The following KCNQ2 variants were observed in gnomAD, a reference collection of about 807,000 sequenced individuals.
KCNQ2 encodes potassium voltage-gated channel subfamily KQT member 2.
KCNQ2 carries 14 observed loss-of-function variants against 84.8 expected under a neutral mutation model. The observed-to-expected ratio is 0.17, with a 90% CI of 0.11 to 0.26. The LOEUF (loss-of-function observed/expected upper bound fraction) is 0.26, where lower values mean the gene tolerates loss of function less well. KCNQ2 is among the 10% of genes least tolerant of loss of function. KCNQ2 has a pLI of 1.00. For synonymous variants in KCNQ2, 599 were observed against 554.1 expected (o/e 1.08, Z -1.14); for missense variants, 788 against 1,254.0 (o/e 0.63, Z 5.61).
At chr20:63,421,851 G>A (rs1341896998) in intron 11 of KCNQ2, among the ~76,000 whole-genome samples, 3 of 152,024 alleles carry the variant, frequency 2.0e-5, no homozygotes, top group Admixed American at 6.5e-5. Flanking sequence ...AGCACGGCCC[G>A]AGCCCCGCAG....
At chr20:63,451,732 A>G (rs955942317) in intron 1 of KCNQ2, among the ~76,000 whole-genome samples, 1 of 151,472 alleles carries the variant, frequency 6.6e-6, no homozygotes, top group Non-Finnish European at 1.5e-5. Flanking sequence ...CCCACTGAAC[A>G]CCCTCTGGAT....
chr20:63,443,117 CTAT>C (rs1341158629), intron 4 of KCNQ2, among the ~76,000 whole-genome samples: 10 of 68,154 alleles, frequency 1.5e-4, no homozygotes, highest in East Asian at 5.4e-4. Context: ...ACCACCACCA[CTAT>C]CACCACCACC....
intron 9 of KCNQ2, 29 bp downstream of exon 9, chr20:63,431,311 C>T: frequency 6.2e-7 from 1 of 1,613,308 alleles, no homozygotes; most frequent in Non-Finnish European, 8.5e-7. Flanking sequence ...CACACACACA[C>T]ACAGGGCTTC....
Position 63,451,150 on chromosome 20 carries a change from A to C in KCNQ2, c.297-4313T>G, listed in dbSNP as rs555076187. Among the ~76,000 whole-genome samples, 121 of 151,724 alleles carry C rather than the reference A, an allele frequency of 8.0e-4. 2 individuals are homozygous for C. Among genetic ancestry groups the C allele is most frequent in the South Asian group, 4.2e-3 (20 of 4,802 alleles). On this transcript the variant is annotated intron_variant, in intron 1 of 16. Transcript: ENST00000359125. Reference sequence around the variant, plus strand: ...AAGACTCTGTCCCAAAAAAAAAAAAAAAAGAAACAAACAAACAAAAAAATG... The same window carrying C: ...AAGACTCTGTCCCAAAAAAAAAAAACAAAGAAACAAACAAACAAAAAAATG...
chr20:63,445,759 G>A (rs111697255), intron 2 of KCNQ2, among the ~76,000 whole-genome samples: 5,734 of 139,768 alleles, frequency 0.041, 999 homozygotes, highest in Middle Eastern at 0.061. Flanking sequence ...TGTCTGAGCT[G>A]GGGGACCCTG....
At chr20:63,432,434 G>A (rs2080841439) in intron 8 of KCNQ2, among the ~76,000 whole-genome samples, 1 of 146,266 alleles carries the variant, frequency 6.8e-6, no homozygotes, top group Non-Finnish European at 1.5e-5. Flanking sequence ...CCACCCTCAG[G>A]GAAGGATCCA....
chr20:63,470,512 C>T (rs528738138), intron 1 of KCNQ2, among the ~76,000 whole-genome samples: 28 of 152,208 alleles, frequency 1.8e-4, no homozygotes, highest in Non-Finnish European at 2.6e-4. Flanking sequence ...GGCTGACCCA[C>T]GCAGGCCCAG....
intron 1 of KCNQ2, among the ~76,000 whole-genome samples, chr20:63,452,081 G>A (rs2081630874): frequency 6.6e-6 from 1 of 152,262 alleles, no homozygotes. Context: ...AGCCAACTGA[G>A]GCCTGGCACT....
chr20:63,424,766 C>T (rs2080577283), intron 10 of KCNQ2, among the ~76,000 whole-genome samples: 1 of 152,240 alleles, frequency 6.6e-6, no homozygotes, highest in African/African-American at 2.4e-5. Flanking sequence ...CTGTCTGGGC[C>T]TTCCGGCGTC....
Position 63,408,307 on chromosome 20 carries a change from G to T in KCNQ2, c.1887+106C>A. 1 of 1,414,682 alleles carries T rather than the reference G, an allele frequency of 7.1e-7. No individual in the cohort carries two copies. Among genetic ancestry groups the T allele is most frequent in the Non-Finnish European group, 9.7e-7 (1 of 1,028,520 alleles). 87.6% of individuals were successfully genotyped at this position (1,414,682 alleles called of 1,614,324 possible). A position where few individuals can be genotyped will look rare whatever the true frequency, so the allele number is the denominator to read the frequency against. On this transcript the variant is annotated intron_variant, in intron 16 of 16. Coordinates refer to ENST00000359125, the MANE Select transcript of KCNQ2 (RefSeq NM_172107.4). This position sits in a 1 kb window ranked among gnomAD's most constrained non-coding sequence, Gnocchi z 5.0. ...ACAGGGCCATGTAAACCCTAGACTT[G>T]AGGAGCCCTCCGTGGCACCCAGCCC...
intron 15 of KCNQ2, among the ~76,000 whole-genome samples, chr20:63,411,305 G>T (rs1299444365): frequency 6.6e-6 from 1 of 152,184 alleles, no homozygotes; most frequent in Non-Finnish European, 1.5e-5. Context: ...CCCAGGTCTG[G>T]GCCGTGCACG....
intron 1 of KCNQ2, among the ~76,000 whole-genome samples, chr20:63,452,723 G>T: frequency 6.6e-6 from 1 of 152,208 alleles, no homozygotes; most frequent in East Asian, 1.9e-4. Context: ...GGGAGAGCCA[G>T]GTCTCTCGCC....
rs1003657549 is a variant in KCNQ2 at position 63,446,943 on chromosome 20, C to T, written c.297-106G>A. The T allele has an allele frequency of 1.1e-5, 11 of 992,018 alleles. No individual in the cohort carries two copies. The highest frequency in any genetic ancestry group is 4.8e-5 in the East Asian group (2 of 41,590). The allele number at this position is 992,018 out of a possible 1,614,324, so 61.5% of individuals were successfully genotyped here. On this transcript the variant is annotated intron_variant, in intron 1 of 16. Coordinates refer to ENST00000359125, the MANE Select transcript of KCNQ2 (RefSeq NM_172107.4). This position sits in a 1 kb window ranked among gnomAD's most constrained non-coding sequence, Gnocchi z 5.5. The stretch of plus-strand genomic sequence containing the variant: ...CTCCCCACCAGGCCGCAGCAGGGCA[C>T]CAGCATGGCCGCGTCTCCAGAACGC...
At chr20:63,424,451 CT>C (rs1203002418) in intron 10 of KCNQ2, 2 of 580,832 alleles carry the variant, frequency 3.4e-6, no homozygotes, top group African/African-American at 3.7e-5. Flanking sequence ...GCGGGGGCCT[CT>C]GCTCTTCTGA....
At chr20:63,411,874 A>G (rs62208003) in intron 15 of KCNQ2, 11,475 of 712,700 alleles carry the variant, frequency 0.016, 125 homozygotes, top group Non-Finnish European at 0.022. Flanking sequence ...ACCCACAATC[A>G]TATCTATCCT....
At chr20:63,436,411 G>A (rs1185954496) in intron 7 of KCNQ2, among the ~76,000 whole-genome samples, 1 of 152,058 alleles carries the variant, frequency 6.6e-6, no homozygotes, top group Non-Finnish European at 1.5e-5. Context: ...GGTGCCTGTA[G>A]TCCCAGCTAC....
At position 63,416,360 on chromosome 20, in the gene KCNQ2, G is replaced by A. The variant is rs543653670; in HGVS notation, c.1302-1234C>T. ...CCCGAGTTCTTCAACTCCAGCGTCC[G>A]CCGGGCGACAGTGAGGGGAGGGGAG... On this transcript the variant is annotated intron_variant, in intron 12 of 16. Transcript: ENST00000359125. Among the ~76,000 whole-genome samples, 111 of 152,286 alleles carry A rather than the reference G, an allele frequency of 7.3e-4. 1 individual carries two copies. The highest frequency in any genetic ancestry group is 2.2e-3 in the African/African-American group (91 of 41,570).
chr20:63,471,515 C>T (rs1295033894), intron 1 of KCNQ2, among the ~76,000 whole-genome samples: 5 of 152,120 alleles, frequency 3.3e-5, no homozygotes, highest in African/African-American at 1.2e-4. Context: ...TGCACGGGGG[C>T]GGCCGGCGGC....
chr20:63,463,677 C>G (rs6122122), intron 1 of KCNQ2: 12,336 of 152,296 alleles, frequency 0.081, 1,056 homozygotes, highest in East Asian at 0.47. Context: ...CTTTTGCTCC[C>G]ACTCACCCTT....
Sources: allele counts gnomAD v4.1 joint callset (sites outside exome capture counted in the v4.1 genomes callset), GRCh38; gene constraint gnomAD v4.1.1; non-coding constraint Gnocchi (gnomAD v3.1); transcripts MANE v1.5; gene names NCBI Gene and HGNC (gene_info 2026-07-23, HGNC 2026-07-21).